Variants in NALF1 observed in about 807,000 individuals in gnomAD.
The protein encoded by NALF1 is family with sequence similarity 155 member A.
NALF1 carries 3 observed loss-of-function variants against 48.4 expected under a neutral mutation model. That is an observed-to-expected ratio of 0.06 (90% CI 0.03 to 0.16). The LOEUF (loss-of-function observed/expected upper bound fraction) is 0.16, where lower values mean the gene tolerates loss of function less well. Ranked by LOEUF, NALF1 falls within the 10% of genes least tolerant of loss-of-function variation. The pLI is 1.00. For missense variants in NALF1, 526 were observed against 571.5 expected (o/e 0.92, Z 0.81); for synonymous variants, 262 against 245.7 (o/e 1.07, Z -0.62).
At chr13:107,261,989 A>G (rs902084224) in intron 1 of NALF1, among the ~76,000 whole-genome samples, 1 of 152,194 alleles carries the variant, frequency 6.6e-6, no homozygotes, top group Non-Finnish European at 1.5e-5. Context: ...AGGGGCAACA[A>G]ATCACATTAA....
intron 1 of NALF1, among the ~76,000 whole-genome samples, chr13:107,703,740 G>A (rs760513912): frequency 2.0e-4 from 30 of 151,866 alleles, no homozygotes; most frequent in Non-Finnish European, 3.8e-4. Context: ...TTTTTCCCCC[G>A]GAGTCCTTCA....
At chr13:107,423,718 C>A (rs1048539114) in intron 1 of NALF1, among the ~76,000 whole-genome samples, 1 of 152,036 alleles carries the variant, frequency 6.6e-6, no homozygotes, top group African/African-American at 2.4e-5. Flanking sequence ...CTACAATATT[C>A]TCATACTGAA....
intron 1 of NALF1, among the ~76,000 whole-genome samples, chr13:107,372,109 G>A (rs1883258509): frequency 6.9e-6 from 1 of 144,560 alleles, no homozygotes; most frequent in African/African-American, 2.5e-5. Flanking sequence ...CTGCACAGCC[G>A]CAGAACAGGA....
At chr13:107,440,033 A>G (rs1450969196) in intron 1 of NALF1, among the ~76,000 whole-genome samples, 1 of 152,168 alleles carries the variant, frequency 6.6e-6, no homozygotes, top group Non-Finnish European at 1.5e-5. Flanking sequence ...ATTTTGGAAT[A>G]TCTGATTTTG....
intron 2 of NALF1, among the ~76,000 whole-genome samples, chr13:107,210,188 A>G (rs1879732289): frequency 6.6e-6 from 1 of 152,240 alleles, no homozygotes; most frequent in African/African-American, 2.4e-5. Flanking sequence ...AGGCAAGAGA[A>G]CATAAACTTC....
At chr13:107,837,601 G>A (rs1028934056) in intron 1 of NALF1, among the ~76,000 whole-genome samples, 1 of 152,142 alleles carries the variant, frequency 6.6e-6, no homozygotes, top group Non-Finnish European at 1.5e-5. Context: ...TGAGAACACA[G>A]GGAAATATCA....
chr13:107,715,643 A>T (rs928327596), intron 1 of NALF1, among the ~76,000 whole-genome samples: 2 of 152,184 alleles, frequency 1.3e-5, no homozygotes, highest in African/African-American at 4.8e-5. Flanking sequence ...AGTCACGTAC[A>T]GGAGGACCTT....
Position 107,479,453 on chromosome 13 carries a change from A to G in NALF1, c.916-268698T>C, listed in dbSNP as rs145774533. Among the ~76,000 whole-genome samples, 640 of 152,318 alleles carry G rather than the reference A, an allele frequency of 4.2e-3. 3 individuals carry two copies. The highest frequency in any genetic ancestry group is 5.6e-3 in the Non-Finnish European group (381 of 68,016). ...GTTACATATCTATCAAAGAAGACTGATTCTCATTCTGCTCTAACTCCTCCA... is the reference window on the plus strand; with the variant it reads ...GTTACATATCTATCAAAGAAGACTGGTTCTCATTCTGCTCTAACTCCTCCA... On this transcript the variant is annotated intron_variant, in intron 1 of 2. Transcript: ENST00000375915.
At position 107,174,367 on chromosome 13, in the gene NALF1, T is replaced by A. The variant is rs2182956; in HGVS notation, c.1088-3581A>T. ...TTTTTATTTATTTATTTATTTATTT[T>A]TTTTTTTGAGACAGAGTCTCGCTCT... On this transcript the variant is annotated intron_variant, in intron 2 of 2. Transcript: ENST00000375915. Among the ~76,000 whole-genome samples, 1,193 of 132,832 alleles carry A rather than the reference T, an allele frequency of 9.0e-3. 11 individuals are homozygous for A. The highest frequency in any genetic ancestry group is 0.027 in the African/African-American group (926 of 33,756). 87.1% of individuals were successfully genotyped at this position (132,832 alleles called of 152,430 possible). A position where few individuals can be genotyped will look rare whatever the true frequency, so the allele number is the denominator to read the frequency against.
rs1401779946 is a variant in NALF1, at chr13:107,842,223, A to T, written c.915+23459T>A. 7.9e-5 allele frequency among the ~76,000 whole-genome samples: 12 copies of T among 151,996 alleles called. 1 individual carries two copies. In the South Asian group the frequency reaches 1.7e-3, roughly 21 times the overall value. Reference sequence around the variant, plus strand: ...TCACAGATATCAGAGTTGAAAAAAAATTTTTTAGATGTTTCATCATTTATA... The same window carrying T: ...TCACAGATATCAGAGTTGAAAAAAATTTTTTTAGATGTTTCATCATTTATA... On this transcript the variant is annotated intron_variant, in intron 1 of 2. Coordinates refer to ENST00000375915, the MANE Select transcript of NALF1 (RefSeq NM_001080396.3).
chr13:107,179,011 T>C (rs1021451333), intron 2 of NALF1, among the ~76,000 whole-genome samples: 1 of 151,820 alleles, frequency 6.6e-6, no homozygotes, highest in Middle Eastern at 3.4e-3. Flanking sequence ...CTAGTGCTAG[T>C]TTTATGTCCA....
At chr13:107,637,220 C>T (rs751245132) in intron 1 of NALF1, among the ~76,000 whole-genome samples, 8 of 149,972 alleles carry the variant, frequency 5.3e-5, no homozygotes, top group Non-Finnish European at 1.0e-4. Context: ...TTAAGCAATG[C>T]ATAACTGTAT....
intron 1 of NALF1, among the ~76,000 whole-genome samples, chr13:107,640,977 A>G (rs1218911227): frequency 6.6e-6 from 1 of 152,184 alleles, no homozygotes; most frequent in African/African-American, 2.4e-5. Context: ...AGATGTCTGC[A>G]CTCCCAATAG....
chr13:107,615,790 G>C (rs1879362848), intron 1 of NALF1, among the ~76,000 whole-genome samples: 2 of 152,176 alleles, frequency 1.3e-5, no homozygotes, highest in African/African-American at 4.8e-5. Context: ...CCTCCTAAGA[G>C]TGATAAATAT....
chr13:107,659,967 G>A (rs1220444317), intron 1 of NALF1, among the ~76,000 whole-genome samples: 1 of 151,744 alleles, frequency 6.6e-6, no homozygotes, highest in Non-Finnish European at 1.5e-5. Flanking sequence ...TCCTGACCTT[G>A]TGATCCGCCT....
chr13:107,566,766 A>AAAT (rs1877821870), intron 1 of NALF1, among the ~76,000 whole-genome samples: 1 of 152,188 alleles, frequency 6.6e-6, no homozygotes, highest in African/African-American at 2.4e-5. Context: ...GAGTACCATT[A>AAAT]GGTAATCCTA....
At chr13:107,737,068 C>T (rs953288515) in intron 1 of NALF1, among the ~76,000 whole-genome samples, 6 of 152,190 alleles carry the variant, frequency 3.9e-5, no homozygotes, top group Non-Finnish European at 7.3e-5. Flanking sequence ...ACCACATCAA[C>T]TTTTCCATGT....
intron 1 of NALF1, among the ~76,000 whole-genome samples, chr13:107,544,777 A>T (rs1191864133): frequency 6.6e-6 from 1 of 152,176 alleles, no homozygotes; most frequent in African/African-American, 2.4e-5. Flanking sequence ...GGAGAAAAAA[A>T]GTGGGGAGCA....
intron 1 of NALF1, among the ~76,000 whole-genome samples, chr13:107,724,709 G>A (rs754027120): frequency 6.6e-6 from 1 of 152,022 alleles, no homozygotes; most frequent in Non-Finnish European, 1.5e-5. Context: ...CTACAGACAT[G>A]CACCACCATG....
Sources: allele counts gnomAD v4.1 joint callset (sites outside exome capture counted in the v4.1 genomes callset), GRCh38; gene constraint gnomAD v4.1.1; transcripts MANE v1.5; gene names NCBI Gene and HGNC (gene_info 2026-07-23, HGNC 2026-07-21).